The following ANO1 variants were observed in gnomAD, a reference collection of about 807,000 sequenced individuals.
ANO1 encodes the protein anoctamin-1.
Under a neutral mutation model 124.0 loss-of-function variants are expected in ANO1, and 59 were observed. The ratio of observed to expected loss-of-function variants is 0.48; its 90% CI spans 0.39 to 0.59. The LOEUF (loss-of-function observed/expected upper bound fraction) is 0.59, where lower values mean the gene tolerates loss of function less well. Ranked by LOEUF, ANO1 falls within the 20% of genes least tolerant of loss-of-function variation. The probability of loss-of-function intolerance (pLI) is 0.00; values close to 1 mark genes in which losing one functional copy is unlikely to be tolerated. For synonymous variants in ANO1, 529 were observed against 532.0 expected (o/e 0.99, Z 0.08); for missense variants, 1,059 against 1,328.0 (o/e 0.80, Z 3.15).
intron 1 of ANO1, among the ~76,000 whole-genome samples, 170 bp downstream of exon 1, chr11:70,078,884 G>T (rs1403461198): frequency 6.6e-6 from 1 of 150,972 alleles, no homozygotes; most frequent in Non-Finnish European, 1.5e-5. Context: ...AGGGCGCGCC[G>T]GCCCTGGCCA....
intron 1 of ANO1, among the ~76,000 whole-genome samples, chr11:70,038,027 C>T (rs1292165888): frequency 1.3e-5 from 2 of 152,166 alleles, no homozygotes; most frequent in African/African-American, 4.8e-5. Flanking sequence ...TGGCTCATGC[C>T]TGTAATTCCA....
chr11:70,147,011 AC>A (rs2047403243), intron 11 of ANO1, among the ~76,000 whole-genome samples: 1 of 152,156 alleles, frequency 6.6e-6, no homozygotes, highest in African/African-American at 2.4e-5. Context: ...TCACAGACAC[AC>A]CCAGAAACAA....
intron 12 of ANO1, 50 bp from the exon 13 acceptor site, chr11:70,152,400 A>G: frequency 6.3e-7 from 1 of 1,580,898 alleles, no homozygotes; most frequent in Non-Finnish European, 8.7e-7. Flanking sequence ...ATAACAACCT[A>G]AGTAATGACA....
At chr11:70,115,589 G>A (rs2045944018) in intron 7 of ANO1, among the ~76,000 whole-genome samples, 1 of 152,084 alleles carries the variant, frequency 6.6e-6, no homozygotes, top group Non-Finnish European at 1.5e-5. Flanking sequence ...TCCAGCCTGA[G>A]CGATAAGAGT....
At chr11:70,095,299 G>GAAAGAAGGAAGGAAGGAAGGAAAGAAA (rs1590713927) in intron 2 of ANO1, among the ~76,000 whole-genome samples, 1 of 50,930 alleles carries the variant, frequency 2.0e-5, no homozygotes, top group Non-Finnish European at 4.0e-5. Flanking sequence ...AAGGAAGGAA[G>GAAAGAAGGAAGGAAGGAAGGAAAGAAA]GAAAGAAAGA....
At chr11:69,974,032 T>C in the ANO1 span, among the ~76,000 whole-genome samples, 8,336 of 152,088 alleles carry the variant, frequency 0.055, 284 homozygotes, top group Middle Eastern at 0.13. Flanking sequence ...AAAAATAATA[T>C]TTAAGGCCAG....
rs114395252 is a variant in ANO1, at chr11:70,118,409, C to T, written c.897+1910C>T. On this transcript the variant is annotated intron_variant, in intron 8 of 25. Coordinates refer to ENST00000355303, the MANE Select transcript of ANO1 (RefSeq NM_018043.7). The stretch of plus-strand genomic sequence containing the variant: ...TGTTTACTCTACCTGGAATGATTCC[C>T]ACTCCCCATGTAATTTTAGGTCCCA... Among the ~76,000 whole-genome samples the T allele has an allele frequency of 6.7e-4, 102 of 152,288 alleles. 1 individual carries two copies. The highest frequency in any genetic ancestry group is 2.4e-3 in the African/African-American group (99 of 41,566).
intron 2 of ANO1, among the ~76,000 whole-genome samples, chr11:70,090,318 G>A (rs2044579480): frequency 6.6e-6 from 1 of 152,158 alleles, no homozygotes; most frequent in Non-Finnish European, 1.5e-5. Flanking sequence ...CTCCCCAGGG[G>A]ATTTTACACT....
At chr11:70,035,211 G>A (rs1246065990) in intron 1 of ANO1, among the ~76,000 whole-genome samples, 1 of 152,152 alleles carries the variant, frequency 6.6e-6, no homozygotes, top group Non-Finnish European at 1.5e-5. Flanking sequence ...GCGGGACCAG[G>A]GCTAGTGTCA....
intron 1 of ANO1, among the ~76,000 whole-genome samples, chr11:69,991,652 G>A (rs536571537): frequency 4.6e-5 from 7 of 152,358 alleles, no homozygotes; most frequent in African/African-American, 1.4e-4. Flanking sequence ...GCAATTGGAT[G>A]CATCATTCAA....
intron 1 of ANO1, chr11:70,085,416 G>A (rs1017801859): frequency 1.4e-5 from 21 of 1,519,706 alleles, no homozygotes; most frequent in Admixed American, 6.0e-5. Flanking sequence ...GGCGGGGCAC[G>A]CACACTGAGT....
chr11:70,019,247 AC>A (rs1856757355), intron 1 of ANO1, among the ~76,000 whole-genome samples: 1 of 102,888 alleles, frequency 9.7e-6, no homozygotes, highest in African/African-American at 4.4e-5. Context: ...ACCCCCCCAC[AC>A]ACACACACAC....
chr11:69,989,010 A>T lies in ANO1; in HGVS notation c.58+2844A>T, dbSNP rs1013962709. On this transcript the variant is annotated intron_variant, in intron 1 of 27. Transcript: ENST00000531349. The stretch of plus-strand genomic sequence containing the variant: ...TAGGGAGGGAGGTAGGGAGGGACGG[A>T]GGGAGGGAGGGAAGGAAGGTGATGT... Among the ~76,000 whole-genome samples the T allele has an allele frequency of 4.0e-4, 58 of 143,958 alleles. 2 individuals carry two copies. Among genetic ancestry groups the T allele is most frequent in the Admixed American group, 2.5e-3 (36 of 14,566 alleles). The allele number at this position is 143,958 out of a possible 152,430, so 94.4% of individuals were successfully genotyped here.
intron 16 of ANO1, among the ~76,000 whole-genome samples, chr11:70,158,858 G>A (rs1416966012): frequency 3.9e-5 from 6 of 151,980 alleles, no homozygotes; most frequent in Non-Finnish European, 5.9e-5. Context: ...GGGGCTGGGG[G>A]CTGGGGGCTG....
chr11:70,189,299 T>G lies in ANO1; in HGVS notation c.*1295T>G, dbSNP rs568255253. On this transcript the variant is annotated 3_prime_UTR_variant, in exon 26 of 26. Transcript: ENST00000355303. ...TTTAATCTGCCAACTGTGGTCAAAG[T>G]TCATAGGTGTCGTACATTTCCATTA... is the stretch of plus-strand genomic sequence containing the variant. The G allele has an allele frequency of 2.6e-5, 4 of 152,674 alleles. No individual in the cohort carries two copies. The highest frequency in any genetic ancestry group is 2.1e-4 in the South Asian group (1 of 4,834). 9.5% of individuals were successfully genotyped at this position (152,674 alleles called of 1,614,324 possible).
chr11:69,977,157 G>A, the ANO1 span, among the ~76,000 whole-genome samples: 1 of 152,152 alleles, frequency 6.6e-6, no homozygotes, highest in Admixed American at 6.5e-5. Context: ...TTAAAAGAGG[G>A]GGGGACAGGT....
At chr11:69,998,982 C>T (rs1485674363) in intron 1 of ANO1, among the ~76,000 whole-genome samples, 4 of 146,798 alleles carry the variant, frequency 2.7e-5, no homozygotes, top group African/African-American at 7.7e-5. Context: ...CCTGGTGAGC[C>T]AAGATTGTAC....
chr11:70,188,004 G>A lies in ANO1; in HGVS notation c.2961G>A (p.Ter987=). The A allele has an allele frequency of 1.3e-6, 2 of 1,557,240 alleles. No homozygotes were observed. The highest frequency in any genetic ancestry group is 1.7e-6 in the Non-Finnish European group (2 of 1,151,568). Residue 987 remains the stop codon, a stop_retained_variant, in exon 26 of 26, where the codon TAG becomes TAA. Coordinates refer to ENST00000355303, the MANE Select transcript of ANO1 (RefSeq NM_018043.7). The part of the protein sequence containing the change: ...PSHAYHGGVL[*] ...ATGCCTACCACGGGGGCGTCCTGTAGCTATGCCAGCGGGGCTGGGCAGGCC... is the reference window on the plus strand; with the variant it reads ...ATGCCTACCACGGGGGCGTCCTGTAACTATGCCAGCGGGGCTGGGCAGGCC...
intron 1 of ANO1, among the ~76,000 whole-genome samples, chr11:70,039,225 T>C (rs1174608392): frequency 6.6e-6 from 1 of 152,190 alleles, no homozygotes; most frequent in Non-Finnish European, 1.5e-5. Context: ...CCTTTAGGAC[T>C]CATGCTTAAA....
Sources: gnomAD v4.1 joint callset for allele counts (sites outside exome capture counted in the v4.1 genomes callset) on GRCh38, gnomAD v4.1.1 for gene constraint, MANE v1.5 for transcripts, NCBI Gene and HGNC (gene_info 2026-07-23, HGNC 2026-07-21) for gene names.